ZFP57: variants seen among roughly 807,000 people sequenced by gnomAD.
The protein encoded by ZFP57 is zinc finger protein 57 homolog.
A neutral mutation model predicts 15.8 loss-of-function variants in ZFP57; 12 were observed. The ratio of observed to expected loss-of-function variants is 0.76; its 90% CI spans 0.49 to 1.23. The LOEUF (loss-of-function observed/expected upper bound fraction) is 1.23. Ranked by LOEUF, ZFP57 falls within the 50% of genes most tolerant of loss-of-function variation. The probability of loss-of-function intolerance (pLI) is 0.00; values close to 1 mark genes in which losing one functional copy is unlikely to be tolerated. For missense variants in ZFP57, 536 were observed against 654.9 expected, an observed-to-expected ratio of 0.82 and a Z score of 1.98; for synonymous variants, 203 against 242.3, an observed-to-expected ratio of 0.84 and a Z score of 1.51.
At position 29,673,075 on chromosome 6, in the gene ZFP57, A is replaced by T. The variant is rs764708577; in HGVS notation, c.1036T>A (p.Ser346Thr). The part of the protein sequence containing the change: ...TEGPMAQNQA[S>T]VLKNQAPVTR... ...ACAGGTGCTTGGTTCTTAAGTACAGATGCCTGGTTCTGGGCCATAGGACCC... is the reference window on the plus strand; with the variant it reads ...ACAGGTGCTTGGTTCTTAAGTACAGTTGCCTGGTTCTGGGCCATAGGACCC... The change falls in exon 5 of 5, where the codon TCT becomes ACT. Residue 346 changes from serine (S) to threonine (T), a missense_variant. Transcript: ENST00000376883. This position sits in a 1 kb window ranked among gnomAD's most constrained non-coding sequence, Gnocchi z 4.7. The T allele has an allele frequency of 9.9e-6, 16 of 1,612,936 alleles. No individual in the cohort carries two copies. Among genetic ancestry groups the T allele is most frequent in the Non-Finnish European group, 1.4e-5 (16 of 1,179,998 alleles).
In ZFP57 at chr6:29,673,100, CTCAGTTCTAA is replaced by C; in HGVS notation, c.1001_1010del (p.Phe334TrpfsTer18). ...ATGCCTGGTTCTGGGCCATAGGACC[CTCAGTTCTAA>C]ATATGGGTTCCTGGGACCTGGCCAC... On this transcript the variant is annotated frameshift_variant, in exon 5 of 5. Coordinates refer to ENST00000376883, the MANE Select transcript of ZFP57 (RefSeq NM_001109809.5). LOFTEE classifies it low-confidence loss of function (END_TRUNC). The surrounding 1 kb of genome is among the most constrained non-coding windows in gnomAD (Gnocchi z 4.7). The C allele has an allele frequency of 6.2e-7, 1 of 1,612,910 alleles. No individual in the cohort carries two copies. Among genetic ancestry groups the C allele is most frequent in the Non-Finnish European group, 8.5e-7 (1 of 1,180,014 alleles).
Position 29,673,062 on chromosome 6 carries a change from T to G in ZFP57, c.1049A>C (p.Asn350Thr). Residue 350 changes from asparagine to threonine, a missense_variant, in exon 5 of 5, where the codon AAC (asparagine) becomes ACC (threonine). Asn to Thr is a moderately conservative substitution (Grantham distance 65). Transcript: ENST00000376883. The surrounding 1 kb of genome is among the most constrained non-coding windows in gnomAD (Gnocchi z 4.7). ...CTGGGTCCTGGTCACAGGTGCTTGG[T>G]TCTTAAGTACAGATGCCTGGTTCTG... ...MAQNQASVLK[N>T]QAPVTRTQAP... The G allele has an allele frequency of 1.9e-6, 3 of 1,612,716 alleles. No homozygotes were observed. Among genetic ancestry groups the G allele is most frequent in the African/African-American group, 1.3e-5 (1 of 74,852 alleles).
At chr6:29,679,809 G>A (rs1772247775) in intron 1 of ZFP57, among the ~76,000 whole-genome samples, 1 of 152,170 alleles carries the variant, frequency 6.6e-6, no homozygotes, top group Non-Finnish European at 1.5e-5. Context: ...GCTTGAACCC[G>A]GGAGGCAGAG....
At chr6:29,676,557 A>AT (rs1233073522) in intron 2 of ZFP57, among the ~76,000 whole-genome samples, 1 of 151,850 alleles carries the variant, frequency 6.6e-6, no homozygotes, top group Non-Finnish European at 1.5e-5. Flanking sequence ...AAAGAAAAAA[A>AT]AAAAAAGGAA....
chr6:29,672,993 G>C lies in ZFP57; in HGVS notation c.1118C>G (p.Ser373Cys), dbSNP rs193232883. ...GTLCQDARSN[S>C]HPVKPSRLNV... Reference sequence around the variant, plus strand: ...GAGTCTTGAGGGCTTCACTGGATGAGAGTTGGATCTGGCATCCTGACAGAG... The same window carrying C: ...GAGTCTTGAGGGCTTCACTGGATGACAGTTGGATCTGGCATCCTGACAGAG... The change falls in exon 5 of 5, where the codon TCT (serine) becomes TGT (cysteine). Residue 373 changes from serine to cysteine, a missense_variant. Transcript: ENST00000376883. 6.8e-4 allele frequency: 1,093 copies of C among 1,613,098 alleles called. 12 individuals carry two copies. In the South Asian group the frequency reaches 7.1e-3, roughly 11 times the overall value.
chr6:29,678,582 A>G (rs1455566736), intron 1 of ZFP57, among the ~76,000 whole-genome samples: 1 of 150,486 alleles, frequency 6.6e-6, no homozygotes, highest in Non-Finnish European at 1.5e-5. Context: ...AAGATTTACA[A>G]TATAAATTAT....
chr6:29,676,325 C>T (rs1049029863), intron 2 of ZFP57, among the ~76,000 whole-genome samples: 3 of 151,932 alleles, frequency 2.0e-5, no homozygotes, highest in Non-Finnish European at 4.4e-5. Context: ...ATCACGAGGT[C>T]GGGAGTTCGA....
At position 29,672,597 on chromosome 6, in the gene ZFP57, G is replaced by A; in HGVS notation, c.1514C>T (p.Pro505Leu). 6.2e-7 allele frequency: 1 copy of A among 1,612,232 alleles called. No individual in the cohort carries two copies. The highest frequency in any genetic ancestry group is 8.5e-7 in the Non-Finnish European group (1 of 1,179,452). Residue 505 changes from proline to leucine, a missense_variant, in exon 5 of 5, where the codon CCC becomes CTC. Physicochemically the swap from Pro to Leu is moderately conservative, Grantham distance 98. Coordinates refer to ENST00000376883, the MANE Select transcript of ZFP57 (RefSeq NM_001109809.5). The stretch of plus-strand genomic sequence containing the variant: ...TCTCCTGGGGGTATGGATCCTGGGG[G>A]GAGATTGATCACCTCCATGCTTCCA... Reference protein sequence around the residue: ...EEWKHGGDQSPPRIHTPRRRG... With the variant: ...EEWKHGGDQSLPRIHTPRRRG...
chr6:29,679,077 T>C (rs1423148836), intron 1 of ZFP57, among the ~76,000 whole-genome samples: 1 of 152,206 alleles, frequency 6.6e-6, no homozygotes, highest in Non-Finnish European at 1.5e-5. Context: ...ACATATCACC[T>C]GTGGATAAGG....
At chr6:29,674,923 T>C (rs1771990077) in intron 4 of ZFP57, among the ~76,000 whole-genome samples, 1 of 151,922 alleles carries the variant, frequency 6.6e-6, no homozygotes, top group Non-Finnish European at 1.5e-5. Flanking sequence ...GAGGCCGAGG[T>C]GGATGGATAA....
In ZFP57 at chr6:29,673,747, T is replaced by G. The variant is rs1221373524; in HGVS notation, c.364A>C (p.Lys122Gln). 1.2e-6 allele frequency: 2 copies of G among 1,613,008 alleles called. No individual in the cohort carries two copies. Among genetic ancestry groups the G allele is most frequent in the Non-Finnish European group, 1.7e-6 (2 of 1,180,038 alleles). ...CTGGGATGTTGTTCTCGAAGCTCTT[T>G]CTTCTTGCCTTCTACAGTGAATGAG... The part of the protein sequence containing the change: ...NTEGLSEGKK[K>Q]ELREQHPSLR... Residue 122 changes from lysine (K) to glutamine (Q), a missense_variant, in exon 5 of 5, where the codon AAA becomes CAA. Physicochemically the swap from Lys to Gln is moderately conservative, Grantham distance 53 (BLOSUM62 1). Coordinates refer to ENST00000376883, the MANE Select transcript of ZFP57 (RefSeq NM_001109809.5). The surrounding 1 kb of genome is among the most constrained non-coding windows in gnomAD (Gnocchi z 4.7).
chr6:29,674,041 C>T (rs1183108884), intron 4 of ZFP57, among the ~76,000 whole-genome samples: 1 of 150,852 alleles, frequency 6.6e-6, no homozygotes, highest in African/African-American at 2.4e-5. Context: ...TTGCAGTGAG[C>T]CAAGATGGTG....
intron 4 of ZFP57, 125 bp downstream of exon 4, chr6:29,675,261 A>T (rs1027621415): frequency 3.8e-6 from 3 of 789,504 alleles, no homozygotes; most frequent in Admixed American, 3.6e-5. Context: ...TCCAAGTCTG[A>T]CCAGGCTGGA....
intron 4 of ZFP57, among the ~76,000 whole-genome samples, chr6:29,675,133 C>T (rs1041836240): frequency 1.9e-4 from 22 of 118,510 alleles, no homozygotes; most frequent in Admixed American, 1.3e-3. Flanking sequence ...AGCCTGGCAA[C>T]AGAGCGAGAC....
Position 29,675,509 on chromosome 6 carries a change from G to C in ZFP57, c.251-22C>G, listed in dbSNP as rs760997388. On this transcript the variant is annotated intron_variant, in intron 3 of 4. Transcript: ENST00000376883. Reference sequence around the variant, plus strand: ...CTGGCTGATGTGTGGGAATGAGAAAGAGTTGAGTTGGTCCCAGGTATGGCC... The same window carrying C: ...CTGGCTGATGTGTGGGAATGAGAAACAGTTGAGTTGGTCCCAGGTATGGCC... The C allele has an allele frequency of 1.3e-5, 21 of 1,598,778 alleles. 1 individual carries two copies. In the South Asian group the frequency reaches 2.2e-4, roughly 17 times the overall value.
chr6:29,676,096 A>ATGTGTGTGTGTGTGTGTGTG (rs748153324), intron 2 of ZFP57, 37 bp from the exon 3 acceptor site: 17 of 1,066,750 alleles, frequency 1.6e-5, no homozygotes, highest in Admixed American at 5.1e-5. Context: ...GTTTATATAA[A>ATGTGTGTGTGTGTGTGTGTG]TATATATGTG....
Position 29,672,577 on chromosome 6 carries a change from T to TTA in ZFP57, c.1533_1534insTA (p.Arg512Ter). 6.2e-7 allele frequency: 1 copy of TTA among 1,612,812 alleles called. No individual in the cohort carries two copies. Among genetic ancestry groups the TTA allele is most frequent in the Non-Finnish European group, 8.5e-7 (1 of 1,179,866 alleles). On this transcript the variant is annotated frameshift_variant, in exon 5 of 5. Transcript: ENST00000376883. LOFTEE classifies it low-confidence loss of function (END_TRUNC). The stretch of plus-strand genomic sequence containing the variant: ...GCCTTCTCTCTTAGGCCTCTTCTCC[T>TTA]GGGGGTATGGATCCTGGGGGGAGAT...
In ZFP57 at chr6:29,673,120, C is replaced by G; in HGVS notation, c.991G>C (p.Glu331Gln). ...VNHAPVARSQ[E>Q]PIFRTEGPMA... ...GGACCCTCAGTTCTAAATATGGGTT[C>G]CTGGGACCTGGCCACTGGTGCATGG... is the stretch of plus-strand genomic sequence containing the variant. The change falls in exon 5 of 5, where the codon GAA becomes CAA. Residue 331 changes from glutamate (E) to glutamine (Q), a missense_variant. Physicochemically the swap from Glu to Gln is conservative, Grantham distance 29. Coordinates refer to ENST00000376883, the MANE Select transcript of ZFP57 (RefSeq NM_001109809.5). This position sits in a 1 kb window ranked among gnomAD's most constrained non-coding sequence, Gnocchi z 4.7. 6.2e-7 allele frequency: 1 copy of G among 1,612,908 alleles called. No homozygotes were observed. The highest frequency in any genetic ancestry group is 1.3e-5 in the African/African-American group (1 of 74,996).
intron 1 of ZFP57, among the ~76,000 whole-genome samples, 184 bp from the exon 2 acceptor site, chr6:29,677,550 C>A (rs1207623425): frequency 1.3e-5 from 2 of 152,212 alleles, no homozygotes; most frequent in African/African-American, 4.8e-5. Context: ...AATAATTTTC[C>A]AAGGACAAGT....
Sources: gnomAD v4.1 joint callset for allele counts (sites outside exome capture counted in the v4.1 genomes callset) on GRCh38, gnomAD v4.1.1 for gene constraint, Gnocchi (gnomAD v3.1) non-coding constraint, MANE v1.5 for transcripts, NCBI Gene and HGNC (gene_info 2026-07-23, HGNC 2026-07-21) for gene names.